Variants in PIGQ observed in about 807,000 individuals in gnomAD.
PIGQ encodes the protein phosphatidylinositol glycan anchor biosynthesis class Q.
In PIGQ, 54 loss-of-function variants were observed where a neutral mutation model predicts 60.3. The observed-to-expected ratio is 0.90, with a 90% CI of 0.72 to 1.12. PIGQ has a LOEUF of 1.12. Ranked by LOEUF, PIGQ falls within the 50% of genes most tolerant of loss-of-function variation. The probability of loss-of-function intolerance (pLI) is 0.00; values close to 1 mark genes in which losing one functional copy is unlikely to be tolerated. For missense variants in PIGQ, 799 were observed against 793.5 expected (o/e 1.01, Z -0.08); for synonymous variants, 416 against 363.7 (o/e 1.14, Z -1.64).
rs2035681401 is a variant in PIGQ at position 574,343 on chromosome 16, A to G, written c.269A>G (p.His90Arg). 2.5e-6 allele frequency: 4 copies of G among 1,609,232 alleles called. No individual in the cohort carries two copies. The highest frequency in any genetic ancestry group is 2.5e-6 in the Non-Finnish European group (3 of 1,179,432). Residue 90 changes from histidine (H) to arginine (R), a missense_variant, in exon 2 of 11, where the codon CAT becomes CGT. Physicochemically the swap from His to Arg is conservative, Grantham distance 29 (BLOSUM62 0). Transcript: ENST00000321878. ...FLESLGAVFP[H>R]EPWLRLCRER... is the part of the protein sequence containing the mutation. The stretch of plus-strand genomic sequence containing the variant: ...GAGAGCCTGGGTGCTGTCTTCCCCC[A>G]TGAGCCCTGGCTGCGGCTGTGCCGG...
In PIGQ at chr16:583,767, C is replaced by T. The variant is rs750913980; in HGVS notation, c.*732C>T. On this transcript the variant is annotated 3_prime_UTR_variant, in exon 11 of 11. Coordinates refer to ENST00000321878, the MANE Select transcript of PIGQ (RefSeq NM_004204.5). ...GCCCCGTAGCAGCAGGTCCTGCGGC[C>T]AAATCTGTCTCCCTTCATGGGCCTC... is the stretch of plus-strand genomic sequence containing the variant. 7.1e-6 allele frequency: 7 copies of T among 992,470 alleles called. No individual in the cohort carries two copies. The highest frequency in any genetic ancestry group is 1.6e-6 in the Non-Finnish European group (1 of 641,312). The allele number at this position is 992,470 out of a possible 1,614,324, so 61.5% of individuals were successfully genotyped here.
In PIGQ at chr16:574,687, GC is replaced by G. The variant is rs753891842; in HGVS notation, c.615del (p.Arg206GlyfsTer54). On this transcript the variant is annotated frameshift_variant, in exon 2 of 11. Transcript: ENST00000321878. LOFTEE classifies it high-confidence loss of function. ...GVEASILAEL[A>X]RRASGPICLL... is the part of the protein sequence containing the mutation. ...GGAGGCCAGCATCCTCGCGGAGCTG[GC>G]CAGGCGAGCCTCGGGACCCATTTGC... The G allele has an allele frequency of 6.2e-7, 1 of 1,603,944 alleles. No homozygotes were observed.
chr16:574,165 G>A lies in PIGQ; in HGVS notation c.91G>A (p.Val31Met), dbSNP rs148273392. ...GRWVPEQSSA[V>M]VLAVLHFPFI... ...GTGGGTGCCGGAGCAGAGCAGCGCC[G>A]TGGTCCTGGCGGTCCTGCACTTTCC... The change falls in exon 2 of 11, where the codon GTG (valine) becomes ATG (methionine). Residue 31 changes from valine to methionine, a missense_variant. Physicochemically the swap from Val to Met is conservative, Grantham distance 21. Transcript: ENST00000321878. 97 of 1,612,526 alleles carry A rather than the reference G, an allele frequency of 6.0e-5. No homozygotes were observed. Among genetic ancestry groups the A allele is most frequent in the Admixed American group, 2.5e-4 (15 of 59,988 alleles).
chr16:578,856 C>T lies in PIGQ; in HGVS notation c.1141C>T (p.Leu381=), dbSNP rs267604587. ...CGTGGGCCTCTCGGCCTGCCTGGGCCTGACGGTGGCCCTGTCCCTCCTCTC... is the reference window on the plus strand; with the variant it reads ...CGTGGGCCTCTCGGCCTGCCTGGGCTTGACGGTGGCCCTGTCCCTCCTCTC... ...WHVGLSACLG[L]TVALSLLSDI... Residue 381 remains leucine (L), a synonymous_variant, in exon 6 of 11, where the codon CTG becomes TTG. Coordinates refer to ENST00000321878, the MANE Select transcript of PIGQ (RefSeq NM_004204.5). The T allele has an allele frequency of 6.2e-7, 1 of 1,613,842 alleles. No homozygotes were observed. Among genetic ancestry groups the T allele is most frequent in the Non-Finnish European group, 8.5e-7 (1 of 1,179,956 alleles).
At chr16:578,256 A>G in intron 4 of PIGQ, 123 bp from the exon 5 acceptor site, 1 of 985,518 alleles carries the variant, frequency 1.0e-6, no homozygotes, top group Non-Finnish European at 1.5e-6. Flanking sequence ...CCACGCTAGG[A>G]CGCGGTAGAC....
At chr16:572,435 T>C in intron 1 of PIGQ, 1 of 441,734 alleles carries the variant, frequency 2.3e-6, no homozygotes, top group Non-Finnish European at 4.6e-6. Context: ...GGAGAGCAGC[T>C]GCACCAGGGG....
In PIGQ at chr16:576,234, G is replaced by A. The variant is rs994986617; in HGVS notation, c.922G>A (p.Ala308Thr). The change falls in exon 4 of 11, where the codon GCC becomes ACC. Residue 308 changes from alanine to threonine, a missense_variant. Coordinates refer to ENST00000321878, the MANE Select transcript of PIGQ (RefSeq NM_004204.5). ...GRSRIGHLAD[A>T]LVPVADHVAE... The stretch of plus-strand genomic sequence containing the variant: ...AAGCCGCATCGGGCATCTGGCCGAC[G>A]CCCTCGTTCCTGTGGCTGACGTGAG... The A allele has an allele frequency of 3.9e-6, 6 of 1,553,350 alleles. No homozygotes were observed. The highest frequency in any genetic ancestry group is 2.4e-5 in the East Asian group (1 of 41,404).
intron 8 of PIGQ, 48 bp downstream of exon 8, chr16:580,311 G>A (rs1031997607): frequency 1.4e-6 from 2 of 1,414,818 alleles, no homozygotes. Flanking sequence ...GCTCTGTGTG[G>A]CTTCTGCCAG....
At chr16:581,902 T>A (rs1369407560) in intron 9 of PIGQ, 2 of 347,936 alleles carry the variant, frequency 5.7e-6, no homozygotes, top group East Asian at 7.4e-5. Context: ...TAGCTGAGAT[T>A]ACAGGCACAC....
chr16:570,145 C>T (rs2035597595), intron 1 of PIGQ, 49 bp downstream of exon 1: 1 of 151,224 alleles, frequency 6.6e-6, no homozygotes, highest in South Asian at 2.1e-4. Flanking sequence ...GGCAGCGCCC[C>T]TGCGGCTCCG....
chr16:575,813 C>T (rs993866046), intron 2 of PIGQ, 26 bp from the exon 3 acceptor site: 3 of 1,549,730 alleles, frequency 1.9e-6, no homozygotes, highest in Non-Finnish European at 2.6e-6. Flanking sequence ...GAGAGGGACA[C>T]ATCACTCCTC....
At position 573,587 on chromosome 16, in the gene PIGQ, G is replaced by A. The variant is rs114413416; in HGVS notation, c.-9-479G>A. Among the ~76,000 whole-genome samples, 653 of 152,320 alleles carry A rather than the reference G, an allele frequency of 4.3e-3. 4 individuals carry two copies. The highest frequency in any genetic ancestry group is 0.015 in the African/African-American group (624 of 41,554). On this transcript the variant is annotated intron_variant, in intron 1 of 10. Coordinates refer to ENST00000321878, the MANE Select transcript of PIGQ (RefSeq NM_004204.5). ...TTTCATCTTTATTCTTGCTTAATAC[G>A]TGAATCATGGTTTGTCAAGGTTTCA...
chr16:582,670 C>T, intron 10 of PIGQ: 1 of 628,786 alleles, frequency 1.6e-6, no homozygotes, highest in South Asian at 1.9e-5. Flanking sequence ...TTGGGCAGCC[C>T]CGAGGGGAGA....
chr16:583,307 G>A lies in PIGQ; in HGVS notation c.*272G>A. On this transcript the variant is annotated 3_prime_UTR_variant, in exon 11 of 11. Transcript: ENST00000321878. ...CCTGCTGCGGTCACCATGGTGGCGAGCACAGCAACCCCAGGTGTCCAGAGC... is the reference window on the plus strand; with the variant it reads ...CCTGCTGCGGTCACCATGGTGGCGAACACAGCAACCCCAGGTGTCCAGAGC... 6.2e-7 allele frequency: 1 copy of A among 1,612,852 alleles called. No homozygotes were observed. Among genetic ancestry groups the A allele is most frequent in the East Asian group, 2.2e-5 (1 of 44,872 alleles).
chr16:579,471 G>A (rs1242776063), intron 7 of PIGQ: 44 of 159,130 alleles, frequency 2.8e-4, no homozygotes, highest in African/African-American at 7.3e-4. Flanking sequence ...CCCCGGGCCC[G>A]GAGACTAGAG....
rs773413031 is a variant in PIGQ at position 578,810 on chromosome 16, C to T, written c.1095C>T (p.Phe365=). The T allele has an allele frequency of 3.7e-6, 6 of 1,613,686 alleles. No homozygotes were observed. The highest frequency in any genetic ancestry group is 3.3e-5 in the South Asian group (3 of 91,092). ...WISYIHLMSP[F]VEHILWHVGL... ...GCTACATCCACCTCATGTCCCCCTT[C>T]GTGGAGCACATCCTTTGGCACGTGG... The change falls in exon 6 of 11, where the codon TTC becomes TTT. Residue 365 remains phenylalanine, a synonymous_variant. Coordinates refer to ENST00000321878, the MANE Select transcript of PIGQ (RefSeq NM_004204.5).
chr16:577,059 G>A (rs1236863994), intron 4 of PIGQ: 1 of 152,380 alleles, frequency 6.6e-6, no homozygotes, highest in African/African-American at 2.4e-5. Context: ...GTGTGGCTGT[G>A]GGGGTGCAGG....
In PIGQ at chr16:575,563, C is replaced by T. The variant is rs374792798; in HGVS notation, c.690-276C>T. On this transcript the variant is annotated intron_variant, in intron 2 of 10. Coordinates refer to ENST00000321878, the MANE Select transcript of PIGQ (RefSeq NM_004204.5). ...GTGGGAGTTGCTGCTGGCTGGCAGG[C>T]GCTTCTTGGCACCGGCTCTGGGAGC... Among the ~76,000 whole-genome samples the T allele has an allele frequency of 2.0e-4, 30 of 152,264 alleles. No homozygotes were observed. The East Asian group carries it at 4.8e-3, about 25-fold the overall frequency.
At chr16:580,511 TG>T (rs1296158016) in intron 8 of PIGQ, 1 of 546,426 alleles carries the variant, frequency 1.8e-6, no homozygotes, top group East Asian at 2.9e-5. Context: ...CCACGGCAGG[TG>T]GGGTCACGCA....
Sources: allele counts gnomAD v4.1 joint callset (sites outside exome capture counted in the v4.1 genomes callset), GRCh38; gene constraint gnomAD v4.1.1; transcripts MANE v1.5; gene names NCBI Gene and HGNC (gene_info 2026-07-23, HGNC 2026-07-21).